Variants in MEGF11 observed in about 807,000 individuals in gnomAD.
The protein encoded by MEGF11 is multiple EGF like domains 11, also known as multiple epidermal growth factor-like domains protein 11.
MEGF11 carries 126 observed loss-of-function variants against 146.6 expected under a neutral mutation model. The observed-to-expected ratio is 0.86, with a 90% CI of 0.74 to 1.00. The LOEUF (loss-of-function observed/expected upper bound fraction) is 1.00. Ranked by LOEUF, MEGF11 falls within the 50% of genes least tolerant of loss-of-function variation. The pLI is 0.00. For missense variants in MEGF11, 1,509 were observed against 1,521.2 expected (o/e 0.99, Z 0.13); for synonymous variants, 532 against 583.4 (o/e 0.91, Z 1.27).
intron 4 of MEGF11, among the ~76,000 whole-genome samples, chr15:66,114,825 C>T (rs946238581): frequency 2.0e-5 from 3 of 152,122 alleles, no homozygotes; most frequent in African/African-American, 4.8e-5. Flanking sequence ...AGGAGGGCTC[C>T]CAGATGAGAA....
chr15:65,943,309 T>C (rs2080074668), intron 10 of MEGF11, among the ~76,000 whole-genome samples: 1 of 152,092 alleles, frequency 6.6e-6, no homozygotes. Context: ...GCCAAAAAAA[T>C]TGCCTCTAAA....
chr15:66,148,274 T>C (rs543698958), intron 1 of MEGF11, among the ~76,000 whole-genome samples: 1 of 152,124 alleles, frequency 6.6e-6, no homozygotes, highest in East Asian at 1.9e-4. Context: ...ATTTAAAAGA[T>C]TGAACTGAAA....
At chr15:66,030,247 C>T (rs916316295) in intron 5 of MEGF11, among the ~76,000 whole-genome samples, 4 of 152,172 alleles carry the variant, frequency 2.6e-5, no homozygotes, top group African/African-American at 9.7e-5. Flanking sequence ...CCAGCCCATA[C>T]CACATTTCCA....
chr15:65,909,251 T>C (rs1312053790), intron 22 of MEGF11, 116 bp from the exon 23 acceptor site: 53 of 749,422 alleles, frequency 7.1e-5, no homozygotes, highest in South Asian at 5.5e-4. Context: ...CTGGGAGGAC[T>C]TGGGGGCCTC....
chr15:65,960,535 G>C (rs2080822876), intron 9 of MEGF11, among the ~76,000 whole-genome samples: 1 of 152,234 alleles, frequency 6.6e-6, no homozygotes, highest in Non-Finnish European at 1.5e-5. Flanking sequence ...CTTCCTTTGA[G>C]GTTTAGGGTT....
At chr15:65,912,035 A>C in intron 21 of MEGF11, 47 bp downstream of exon 21, 6 of 1,088,896 alleles carry the variant, frequency 5.5e-6, no homozygotes, top group Non-Finnish European at 7.0e-6. Context: ...GGTGAGGGTT[A>C]AATGAGAGGG....
At chr15:66,243,175 G>T (rs2092243688) in intron 1 of MEGF11, among the ~76,000 whole-genome samples, 1 of 152,192 alleles carries the variant, frequency 6.6e-6, no homozygotes, top group Admixed American at 6.5e-5. Context: ...TTCCCCATTT[G>T]CCCCTGAGAG....
intron 1 of MEGF11, among the ~76,000 whole-genome samples, chr15:66,131,589 A>AC (rs573586385): frequency 1.3e-5 from 2 of 152,234 alleles, no homozygotes; most frequent in South Asian, 2.1e-4. Flanking sequence ...GCACTGCAGT[A>AC]CAGTGGTGGG....
At chr15:65,922,798 T>C in intron 14 of MEGF11, 25 bp downstream of exon 14, 1 of 1,612,688 alleles carries the variant, frequency 6.2e-7, no homozygotes, top group Non-Finnish European at 8.5e-7. Context: ...CTCTGAGCTC[T>C]TCGGGGTCAG....
chr15:66,139,678 A>G (rs1484742824), intron 1 of MEGF11, among the ~76,000 whole-genome samples: 2 of 152,122 alleles, frequency 1.3e-5, no homozygotes, highest in Non-Finnish European at 2.9e-5. Context: ...TTTCTGGAGC[A>G]ACTGAAGCCT....
rs10683767 is a variant in MEGF11 at position 66,099,204 on chromosome 15, C to CTT, written c.302-4712_302-4711dup. 6.7e-3 allele frequency among the ~76,000 whole-genome samples: 714 copies of CTT among 105,830 alleles called. 26 individuals carry two copies. Among genetic ancestry groups the CTT allele is most frequent in the African/African-American group, 0.022 (622 of 28,384 alleles). 69.4% of individuals were successfully genotyped at this position (105,830 alleles called of 152,430 possible). A position where few individuals can be genotyped will look rare whatever the true frequency, so the allele number is the denominator to read the frequency against. On this transcript the variant is annotated intron_variant, in intron 4 of 25. Transcript: ENST00000395614. ...CCCATCCCTCCCACCCCTCCTTTTT[C>CTT]TTTTTTTTTTTTTTTTTTGATATGG...
chr15:66,136,845 T>C (rs1019016165), intron 1 of MEGF11, among the ~76,000 whole-genome samples: 51 of 151,946 alleles, frequency 3.4e-4, no homozygotes, highest in Admixed American at 6.6e-5. Flanking sequence ...CTGTGCAACA[T>C]AATGAGATCC....
chr15:65,989,979 G>C (rs372211058), intron 5 of MEGF11, among the ~76,000 whole-genome samples: 3 of 152,198 alleles, frequency 2.0e-5, no homozygotes, highest in East Asian at 1.9e-4. Context: ...GGATCACTGA[G>C]ATTAGACACT....
Position 65,915,614 on chromosome 15 carries a change from A to G in MEGF11, c.2345-16T>C, listed in dbSNP as rs2078969764. 1.2e-6 allele frequency: 2 copies of G among 1,612,984 alleles called. No individual in the cohort carries two copies. The highest frequency in any genetic ancestry group is 4.5e-5 in the East Asian group (2 of 44,860). On this transcript the variant is annotated splice_polypyrimidine_tract_variant and intron_variant, in intron 18 of 25. Coordinates refer to ENST00000395614, the MANE Select transcript of MEGF11 (RefSeq NM_001385028.1). ...GGGGCACATCCTGTGTGGCACAAAG[A>G]GTTAGGGTAGAGGACCCACTCACTC...
intron 1 of MEGF11, among the ~76,000 whole-genome samples, chr15:66,197,315 A>T (rs4776761): frequency 0.4 from 60,304 of 152,014 alleles, 12,405 homozygotes; most frequent in East Asian, 0.59. Context: ...CCAGGCTCTG[A>T]GATGTCTCGG....
At chr15:66,188,747 G>A (rs1241638164) in intron 1 of MEGF11, among the ~76,000 whole-genome samples, 1 of 152,210 alleles carries the variant, frequency 6.6e-6, no homozygotes, top group East Asian at 1.9e-4. Context: ...CAGCCATCTG[G>A]TGTTTTCCCT....
chr15:66,203,207 G>T (rs1253811838), intron 1 of MEGF11, among the ~76,000 whole-genome samples: 2 of 152,186 alleles, frequency 1.3e-5, no homozygotes, highest in Non-Finnish European at 2.9e-5. Context: ...CCCCAAGTGG[G>T]GTAGGAGCTG....
chr15:66,031,162 C>T (rs981366626), intron 5 of MEGF11, among the ~76,000 whole-genome samples: 5 of 152,204 alleles, frequency 3.3e-5, no homozygotes, highest in African/African-American at 1.2e-4. Context: ...TTGATGGGGT[C>T]TGTCTTCTAC....
chr15:66,128,386 C>T lies in MEGF11; in HGVS notation c.18G>A (p.Thr6=), dbSNP rs139006288. 7.3e-3 allele frequency: 11,015 copies of T among 1,516,508 alleles called. 54 individuals are homozygous for T. The highest frequency in any genetic ancestry group is 8.9e-3 in the Non-Finnish European group (10,064 of 1,130,462). 93.9% of individuals were successfully genotyped at this position (1,516,508 alleles called of 1,614,324 possible). A position where few individuals can be genotyped will look rare whatever the true frequency, so the allele number is the denominator to read the frequency against. MVLSL[T]GLIAFSFLQA... ...GCAGGAAGGAGAAGGCAATGAGCCC[C>T]GTCAGGGAGAGCACCATCCCGGGCC... Residue 6 remains threonine, a synonymous_variant, in exon 2 of 26, where the codon ACG becomes ACA. Transcript: ENST00000395614.
Sources: allele counts gnomAD v4.1 joint callset (sites outside exome capture counted in the v4.1 genomes callset), GRCh38; gene constraint gnomAD v4.1.1; transcripts MANE v1.5; gene names NCBI Gene and HGNC (gene_info 2026-07-23, HGNC 2026-07-21).